The following CELF2 variants were observed in gnomAD, a reference collection of about 807,000 sequenced individuals.
The protein encoded by CELF2 is CUG triplet repeat RNA-binding protein 2.
A neutral mutation model predicts 62.6 loss-of-function variants in CELF2; 8 were observed. The observed-to-expected ratio is 0.13, with a 90% CI of 0.07 to 0.23. The LOEUF (loss-of-function observed/expected upper bound fraction) is 0.23, where lower values mean the gene tolerates loss of function less well. Ranked by LOEUF, CELF2 falls within the 10% of genes least tolerant of loss-of-function variation. The probability of loss-of-function intolerance (pLI) is 1.00; values close to 1 mark genes in which losing one functional copy is unlikely to be tolerated. For synonymous variants in CELF2, 258 were observed against 250.0 expected, an observed-to-expected ratio of 1.03 and a Z score of -0.30; for missense variants, 333 against 671.0, an observed-to-expected ratio of 0.50 and a Z score of 5.56.
At chr10:11,005,143 G>C (rs1284294460), upstream of CELF2, 2 of 985,146 alleles carry the variant, frequency 2.0e-6, no homozygotes, top group Non-Finnish European at 2.4e-6. The surrounding 1 kb of genome is among the most constrained non-coding windows in gnomAD (Gnocchi z 4.3). Flanking sequence ...AATATGCATA[G>C]ACAACATAAC....
chr10:11,191,495 A>G lies in CELF2; in HGVS notation c.271+25813A>G, dbSNP rs1255442241. Among the ~76,000 whole-genome samples the G allele has an allele frequency of 6.6e-6, 1 of 152,136 alleles. No individual in the cohort carries two copies. The highest frequency in any genetic ancestry group is 2.4e-5 in the African/African-American group (1 of 41,424). On this transcript the variant is annotated intron_variant, in intron 2 of 12. Transcript: ENST00000633077. The surrounding 1 kb of genome is among the most constrained non-coding windows in gnomAD (Gnocchi z 4.1). ...CAGGACGTGCTGTGGGGCGTCAGCT[A>G]CCAACCTTGTGGTCTCGGGAAAGTG...
chr10:11,159,057 T>C lies in CELF2; in HGVS notation c.75-6429T>C, dbSNP rs2065123862. Among the ~76,000 whole-genome samples the C allele has an allele frequency of 6.6e-6, 1 of 152,216 alleles. No individual in the cohort carries two copies. Among genetic ancestry groups the C allele is most frequent in the African/African-American group, 2.4e-5 (1 of 41,450 alleles). On this transcript the variant is annotated intron_variant, in intron 1 of 12. Coordinates refer to ENST00000633077, the MANE Select transcript of CELF2 (RefSeq NM_001326342.2). This position sits in a 1 kb window ranked among gnomAD's most constrained non-coding sequence, Gnocchi z 5.0. ...AGAAGGGCTTTGACTTTGTAATGTT[T>C]AGGGTATTTGCTCTGGTCAATTTTC...
chr10:10,787,670 C>T, the CELF2 span, among the ~76,000 whole-genome samples: 1 of 152,174 alleles, frequency 6.6e-6, no homozygotes, highest in African/African-American at 2.4e-5. Flanking sequence ...TTTGTCCCTA[C>T]GTAAAGTCAG....
the CELF2 span, among the ~76,000 whole-genome samples, chr10:10,518,789 G>T: frequency 6.6e-6 from 1 of 152,026 alleles, no homozygotes; most frequent in Non-Finnish European, 1.5e-5. Flanking sequence ...TGTCCTATTG[G>T]TGACCCAGCT....
Position 11,266,611 on chromosome 10 carries a change from C to T in CELF2, c.552C>T (p.Val184=). Residue 184 remains valine (V), a synonymous_variant, in exon 6 of 13, where the codon GTC becomes GTT. Transcript: ENST00000633077. ...PDGLSRGCAF[V]TFSTRAMAQN... is the part of the protein sequence containing the mutation. ...TGTTTCCCACAGGCTGTGCGTTTGT[C>T]ACATTTTCTACAAGGGCAATGGCAC... The T allele has an allele frequency of 6.2e-7, 1 of 1,613,944 alleles. No homozygotes were observed.
Position 11,242,940 on chromosome 10 carries a change from C to T in CELF2, c.355-6213C>T, listed in dbSNP as rs2074417794. On this transcript the variant is annotated intron_variant, in intron 3 of 12. Transcript: ENST00000633077. The surrounding 1 kb of genome is among the most constrained non-coding windows in gnomAD (Gnocchi z 4.8). ...GCGACAGGGACGGAGGCGCCGGTGG[C>T]AACTGGTGCTGGGTCAGAACCAAAC... is the stretch of plus-strand genomic sequence containing the variant. Among the ~76,000 whole-genome samples the T allele has an allele frequency of 6.6e-6, 1 of 152,148 alleles. No homozygotes were observed. The highest frequency in any genetic ancestry group is 6.5e-5 in the Admixed American group (1 of 15,278).
intron 8 of CELF2, among the ~76,000 whole-genome samples, chr10:11,283,580 T>C (rs2139337301): frequency 7.8e-6 from 1 of 128,940 alleles, no homozygotes; most frequent in South Asian, 2.4e-4. Context: ...GGTGGGTAGA[T>C]GGATGGGTGA....
the CELF2 span, among the ~76,000 whole-genome samples, chr10:10,506,122 C>T: frequency 1.3e-5 from 2 of 151,052 alleles, no homozygotes; most frequent in Non-Finnish European, 2.9e-5. Context: ...ATTCTTATCC[C>T]TCTTGCAACA....
At chr10:10,684,739 G>C in the CELF2 span, among the ~76,000 whole-genome samples, 2 of 152,120 alleles carry the variant, frequency 1.3e-5, no homozygotes, top group African/African-American at 2.4e-5. Context: ...GCAGGACCCT[G>C]TCTCAACAAC....
chr10:10,952,874 A>G (rs1471370277), intron 2 of CELF2, among the ~76,000 whole-genome samples: 1 of 152,180 alleles, frequency 6.6e-6, no homozygotes, highest in African/African-American at 2.4e-5. Flanking sequence ...TATGTAATTA[A>G]TTTTCCTCAT....
chr10:10,534,842 G>A, the CELF2 span, among the ~76,000 whole-genome samples: 1 of 152,136 alleles, frequency 6.6e-6, no homozygotes, highest in Non-Finnish European at 1.5e-5. Flanking sequence ...TTCCCTAGTA[G>A]GATTAGGCAT....
chr10:10,876,861 G>A (rs1404449282), intron 1 of CELF2, among the ~76,000 whole-genome samples: 1 of 152,242 alleles, frequency 6.6e-6, no homozygotes, highest in Admixed American at 6.5e-5. Flanking sequence ...CACATGCAAT[G>A]TGTGTGTGGT....
At chr10:11,256,838 C>G (rs1370800185) in intron 4 of CELF2, among the ~76,000 whole-genome samples, 1 of 151,970 alleles carries the variant, frequency 6.6e-6, no homozygotes, top group Non-Finnish European at 1.5e-5. Flanking sequence ...CTTATCTTCC[C>G]CAATGTCAGG....
intron 2 of CELF2, among the ~76,000 whole-genome samples, chr10:10,989,308 A>G (rs542609991): frequency 6.6e-6 from 1 of 152,288 alleles, no homozygotes; most frequent in East Asian, 1.9e-4. Context: ...TAATGCTAAG[A>G]GTAACTTGCT....
chr10:10,902,145 A>G (rs1294136483), intron 1 of CELF2, among the ~76,000 whole-genome samples: 4 of 152,220 alleles, frequency 2.6e-5, no homozygotes, highest in African/African-American at 2.4e-5. Context: ...GTAAAATAGC[A>G]CTATCTCACC....
the CELF2 span, among the ~76,000 whole-genome samples, chr10:10,588,612 G>T: frequency 2.0e-5 from 3 of 152,152 alleles, no homozygotes; most frequent in Non-Finnish European, 4.4e-5. Context: ...TGGAGGGATT[G>T]TAGATGACTC....
At chr10:10,773,205 T>C in the CELF2 span, among the ~76,000 whole-genome samples, 2 of 152,216 alleles carry the variant, frequency 1.3e-5, no homozygotes, top group African/African-American at 2.4e-5. Flanking sequence ...ACCTTTTATA[T>C]TGACCCACCT....
chr10:11,173,200 G>T (rs1464626332), intron 2 of CELF2, among the ~76,000 whole-genome samples: 1 of 152,198 alleles, frequency 6.6e-6, no homozygotes, highest in Non-Finnish European at 1.5e-5. Flanking sequence ...ATACCGTGGG[G>T]GCATTAGGCA....
At chr10:10,664,270 A>G in the CELF2 span, among the ~76,000 whole-genome samples, 6 of 152,316 alleles carry the variant, frequency 3.9e-5, no homozygotes, top group East Asian at 1.2e-3. Flanking sequence ...AGAAATCACT[A>G]CTCAGTTCAA....
Sources: gnomAD v4.1 joint callset for allele counts (sites outside exome capture counted in the v4.1 genomes callset) on GRCh38, gnomAD v4.1.1 for gene constraint, Gnocchi (gnomAD v3.1) non-coding constraint, MANE v1.5 for transcripts, NCBI Gene and HGNC (gene_info 2026-07-23, HGNC 2026-07-21) for gene names.